The following MAST2 variants were observed in gnomAD, a reference collection of about 807,000 sequenced individuals.
MAST2 encodes microtubule-associated serine/threonine-protein kinase 2.
A neutral mutation model predicts 147.4 loss-of-function variants in MAST2; 70 were observed. That is an observed-to-expected ratio of 0.47 (90% CI 0.39 to 0.58). The LOEUF is 0.58. Among genes scored for constraint, MAST2 ranks in the 20% least tolerant of loss-of-function variants. MAST2 has a pLI of 0.00. For synonymous variants in MAST2, 869 were observed against 896.8 expected, an observed-to-expected ratio of 0.97 and a Z score of 0.55; for missense variants, 2,080 against 2,302.3, an observed-to-expected ratio of 0.90 and a Z score of 1.98.
intron 4 of MAST2, among the ~76,000 whole-genome samples, chr1:45,897,822 G>C (rs1649003820): frequency 6.8e-6 from 1 of 148,078 alleles, no homozygotes; most frequent in South Asian, 2.2e-4. Flanking sequence ...AAAACAAATA[G>C]AGCCAGGCAC....
At chr1:46,007,760 CAT>C (rs1228268555) in intron 8 of MAST2, among the ~76,000 whole-genome samples, 1 of 152,148 alleles carries the variant, frequency 6.6e-6, no homozygotes, top group Non-Finnish European at 1.5e-5. Flanking sequence ...AGGCAGAAAA[CAT>C]ATCGGCTGCC....
intron 5 of MAST2, among the ~76,000 whole-genome samples, chr1:45,973,683 C>G (rs774839424): frequency 2.0e-5 from 3 of 151,972 alleles, no homozygotes; most frequent in Non-Finnish European, 4.4e-5. Flanking sequence ...TTTCAGAGAC[C>G]AAAAGAATGA....
chr1:45,936,463 T>TCAAG (rs74602927), intron 4 of MAST2, among the ~76,000 whole-genome samples: 51,174 of 151,618 alleles, frequency 0.34, 8,939 homozygotes, highest in African/African-American at 0.43. Context: ...GGGGACCGTG[T>TCAAG]TTTTTGCCCA....
intron 4 of MAST2, chr1:45,913,468 AC>A (rs1301041726): frequency 8.7e-6 from 4 of 460,872 alleles, no homozygotes; most frequent in African/African-American, 8.5e-5. Context: ...GGAGGTTGCA[AC>A]TGATTTGTGG....
intron 1 of MAST2, among the ~76,000 whole-genome samples, chr1:45,821,460 A>ATG (rs1557803444): frequency 6.8e-6 from 1 of 146,678 alleles, no homozygotes; most frequent in African/African-American, 2.5e-5. Context: ...AGCTTCTTGG[A>ATG]TGTGTAGATT....
At chr1:46,018,953 C>A (rs991739073) in intron 10 of MAST2, among the ~76,000 whole-genome samples, 4 of 152,206 alleles carry the variant, frequency 2.6e-5, no homozygotes, top group Non-Finnish European at 5.9e-5. Context: ...TAAATGGCTT[C>A]TTATAGTTAC....
At chr1:45,940,957 T>C (rs1347478164) in intron 4 of MAST2, among the ~76,000 whole-genome samples, 1 of 152,202 alleles carries the variant, frequency 6.6e-6, no homozygotes, top group Non-Finnish European at 1.5e-5. Context: ...TTGCATATTG[T>C]TTTGAAAGAA....
In MAST2 at chr1:45,871,063, A is replaced by G. The variant is rs1296850205; in HGVS notation, c.469-11301A>G. On this transcript the variant is annotated intron_variant, in intron 3 of 28. Transcript: ENST00000361297. ...TTTTGGTATATCTCTTGCAAATGGCATACAGTAGGTTTTCTTTAAAAAAAA... is the reference window on the plus strand; with the variant it reads ...TTTTGGTATATCTCTTGCAAATGGCGTACAGTAGGTTTTCTTTAAAAAAAA... Among the ~76,000 whole-genome samples, 18 of 142,506 alleles carry G rather than the reference A, an allele frequency of 1.3e-4. No homozygotes were observed. The South Asian group carries it at 3.9e-3, about 31-fold the overall frequency. The allele number at this position is 142,506 out of a possible 152,430, so 93.5% of individuals were successfully genotyped here.
intron 5 of MAST2, among the ~76,000 whole-genome samples, chr1:45,985,255 G>A (rs2149082086): frequency 6.6e-6 from 1 of 151,316 alleles, no homozygotes; most frequent in East Asian, 1.9e-4. Context: ...TTTTGTGTGT[G>A]TGTGTGTTTT....
intron 5 of MAST2, among the ~76,000 whole-genome samples, chr1:45,973,725 G>A (rs1052034377): frequency 1.3e-5 from 2 of 152,134 alleles, no homozygotes; most frequent in African/African-American, 2.4e-5. Context: ...GGAAAACTTA[G>A]AATATATAGT....
chr1:45,982,101 G>A (rs776455251), intron 5 of MAST2, among the ~76,000 whole-genome samples: 2 of 152,164 alleles, frequency 1.3e-5, no homozygotes, highest in Admixed American at 6.5e-5. Context: ...TGCCTGCCTC[G>A]GCCTCCCAAA....
chr1:45,846,426 C>T (rs562570276), intron 3 of MAST2, among the ~76,000 whole-genome samples: 13 of 152,204 alleles, frequency 8.5e-5, no homozygotes, highest in Non-Finnish European at 1.6e-4. Context: ...ATATTGCTCC[C>T]CCCGGCCTGA....
chr1:46,000,183 G>T (rs1251212733), intron 6 of MAST2, among the ~76,000 whole-genome samples: 2 of 152,184 alleles, frequency 1.3e-5, no homozygotes, highest in Admixed American at 1.3e-4. Flanking sequence ...GCATGGTGGT[G>T]CAGGTCTGTA....
At chr1:45,870,728 C>T (rs1175017612) in intron 3 of MAST2, among the ~76,000 whole-genome samples, 1 of 150,738 alleles carries the variant, frequency 6.6e-6, no homozygotes, top group Non-Finnish European at 1.5e-5. Flanking sequence ...TGGAGACCAG[C>T]TTGGGCAACA....
rs761464834 is a variant in MAST2, at chr1:46,034,946, G to A, written c.4277G>A (p.Arg1426His). The A allele has an allele frequency of 3.7e-6, 6 of 1,614,086 alleles. No individual in the cohort carries two copies. The highest frequency in any genetic ancestry group is 4.5e-5 in the East Asian group (2 of 44,878). The change falls in exon 29 of 29, where the codon CGC (arginine) becomes CAC (histidine). Residue 1426 changes from arginine (R) to histidine (H), a missense_variant. Physicochemically the swap from Arg to His is conservative, Grantham distance 29 (BLOSUM62 0). Transcript: ENST00000361297. Reference sequence around the variant, plus strand: ...TCTGAGAAGAAGCTAGCCACTTCTCGCAAGCACAGCCTTGACCTGCCCCAC... The same window carrying A: ...TCTGAGAAGAAGCTAGCCACTTCTCACAAGCACAGCCTTGACCTGCCCCAC... ...AASEKKLATSRKHSLDLPHSE... is the reference protein window; with the variant it reads ...AASEKKLATSHKHSLDLPHSE...
chr1:45,975,817 C>T (rs2149022672), intron 5 of MAST2, among the ~76,000 whole-genome samples: 1 of 151,956 alleles, frequency 6.6e-6, no homozygotes, highest in Non-Finnish European at 1.5e-5. Flanking sequence ...TATGAGGAGT[C>T]CATGGCATGG....
chr1:45,865,161 T>C (rs1342955314), intron 3 of MAST2: 1 of 456,286 alleles, frequency 2.2e-6, no homozygotes, highest in African/African-American at 2.0e-5. Flanking sequence ...AAAACCTTTT[T>C]CACTGATCTC....
At chr1:45,975,495 C>A (rs1222061467) in intron 5 of MAST2, among the ~76,000 whole-genome samples, 1,186 of 40,408 alleles carry the variant, frequency 0.029, 384 homozygotes, top group African/African-American at 0.038. Context: ...CCTGTCTCTC[C>A]AAAAAAAAAA....
At chr1:45,904,995 A>G (rs1650436995) in intron 4 of MAST2, among the ~76,000 whole-genome samples, 1 of 151,196 alleles carries the variant, frequency 6.6e-6, no homozygotes. Context: ...CTTTATTATA[A>G]ATAGGTGATC....
Sources: gnomAD v4.1 joint callset for allele counts (sites outside exome capture counted in the v4.1 genomes callset) on GRCh38, gnomAD v4.1.1 for gene constraint, MANE v1.5 for transcripts, NCBI Gene and HGNC (gene_info 2026-07-23, HGNC 2026-07-21) for gene names.